KATNBL1: variants seen among roughly 807,000 people sequenced by gnomAD.
KATNBL1 encodes the protein KATNB1-like protein 1.
In KATNBL1, 28 loss-of-function variants were observed where a neutral mutation model predicts 44.7. That is an observed-to-expected ratio of 0.63 (90% CI 0.46 to 0.86). The LOEUF is 0.86. KATNBL1 is among the 40% of genes least tolerant of loss of function. The pLI is 0.00. For synonymous variants in KATNBL1, 78 were observed against 114.9 expected, an observed-to-expected ratio of 0.68 and a Z score of 2.06; for missense variants, 272 against 350.7, an observed-to-expected ratio of 0.78 and a Z score of 1.79.
intron 1 of KATNBL1, among the ~76,000 whole-genome samples, chr15:34,167,947 A>G (rs1889033538): frequency 6.6e-6 from 1 of 152,224 alleles, no homozygotes; most frequent in South Asian, 2.1e-4. Flanking sequence ...AGCACTAAAC[A>G]TGGTTACGAA....
intron 1 of KATNBL1, among the ~76,000 whole-genome samples, chr15:34,174,193 G>A (rs1179317391): frequency 6.6e-6 from 1 of 152,150 alleles, no homozygotes; most frequent in Non-Finnish European, 1.5e-5. Context: ...GGAGGTTAAA[G>A]GGACATAAAA....
intron 1 of KATNBL1, chr15:34,199,898 T>C (rs942909118): frequency 1.7e-4 from 26 of 152,198 alleles, no homozygotes; most frequent in African/African-American, 6.0e-4. Context: ...CGGTTGCCAC[T>C]AGGGCTAGGT....
chr15:34,205,818 C>G (rs543566645), intron 1 of KATNBL1, among the ~76,000 whole-genome samples: 1 of 152,238 alleles, frequency 6.6e-6, no homozygotes, highest in Admixed American at 6.5e-5. Context: ...ATCAGTGGAC[C>G]AAACAAAAAT....
intron 9 of KATNBL1, among the ~76,000 whole-genome samples, chr15:34,143,604 CA>C (rs981048579): frequency 7.3e-5 from 11 of 151,330 alleles, no homozygotes; most frequent in Admixed American, 6.6e-4. Flanking sequence ...AAACCTAAAA[CA>C]ACAACAAAAA....
chr15:34,208,182 T>C (rs1320007787), intron 1 of KATNBL1, among the ~76,000 whole-genome samples: 3 of 152,204 alleles, frequency 2.0e-5, no homozygotes, highest in African/African-American at 2.4e-5. Context: ...TCCGAGATTC[T>C]GGTGCACCCA....
chr15:34,195,029 C>T (rs1889992975), intron 1 of KATNBL1, among the ~76,000 whole-genome samples: 1 of 152,152 alleles, frequency 6.6e-6, no homozygotes, highest in African/African-American at 2.4e-5. Flanking sequence ...CTATGGAAAA[C>T]AGCACAGAGA....
intron 1 of KATNBL1, among the ~76,000 whole-genome samples, chr15:34,193,216 C>CCAAA (rs1889929981): frequency 1.5e-5 from 1 of 66,364 alleles, no homozygotes; most frequent in Non-Finnish European, 2.4e-5. Flanking sequence ...GACTCCGTCT[C>CCAAA]AAAAAAAAAA....
chr15:34,208,512 A>G (rs1011977922), intron 1 of KATNBL1: 4 of 152,272 alleles, frequency 2.6e-5, no homozygotes, highest in African/African-American at 7.2e-5. Context: ...TAACCACTCA[A>G]TAAGTTTTAG....
At chr15:34,161,458 G>A (rs897421674) in intron 2 of KATNBL1, among the ~76,000 whole-genome samples, 2 of 152,194 alleles carry the variant, frequency 1.3e-5, no homozygotes, top group African/African-American at 4.8e-5. Context: ...AGAAACAAAT[G>A]CTCAATGCCG....
At chr15:34,191,791 C>CA (rs751707659) in intron 1 of KATNBL1, among the ~76,000 whole-genome samples, 1 of 151,360 alleles carries the variant, frequency 6.6e-6, no homozygotes, top group Admixed American at 6.6e-5. Flanking sequence ...ATTAAAAACA[C>CA]AAAAAATTAG....
chr15:34,195,418 G>A (rs967936945), intron 1 of KATNBL1, among the ~76,000 whole-genome samples: 2 of 152,094 alleles, frequency 1.3e-5, no homozygotes, highest in African/African-American at 2.4e-5. Context: ...AATAGAGAAT[G>A]GAGACTCAGA....
chr15:34,157,284 C>T (rs6495558), intron 2 of KATNBL1, among the ~76,000 whole-genome samples: 30,769 of 152,086 alleles, frequency 0.2, 3,850 homozygotes, highest in African/African-American at 0.35. Flanking sequence ...GAATAGCTGC[C>T]CATGATTCTG....
At chr15:34,164,762 C>T (rs376539433) in intron 1 of KATNBL1, among the ~76,000 whole-genome samples, 4 of 152,280 alleles carry the variant, frequency 2.6e-5, no homozygotes, top group South Asian at 4.1e-4. Flanking sequence ...CAGGCCCTGG[C>T]GTTAATGTAG....
rs75694739 is a variant in KATNBL1, at chr15:34,182,190, G to C, written c.-14-18500C>G. ...CCTCCCAATTAATATGAGAGATTAA[G>C]GGCTGAATGTATAAACAGATGATAC... is the stretch of plus-strand genomic sequence containing the variant. On this transcript the variant is annotated intron_variant, in intron 1 of 9. Transcript: ENST00000256544. Among the ~76,000 whole-genome samples, 429 of 151,986 alleles carry C rather than the reference G, an allele frequency of 2.8e-3. 18 individuals carry two copies. The East Asian group carries it at 0.073, about 26-fold the overall frequency.
intron 1 of KATNBL1, among the ~76,000 whole-genome samples, chr15:34,170,152 C>T (rs1008551521): frequency 1.2e-4 from 18 of 152,088 alleles, no homozygotes; most frequent in Admixed American, 8.5e-4. Flanking sequence ...TCAAATTGTC[C>T]CTGTTTGCAG....
At chr15:34,185,967 G>A (rs1889703427) in intron 1 of KATNBL1, among the ~76,000 whole-genome samples, 1 of 152,138 alleles carries the variant, frequency 6.6e-6, no homozygotes. Flanking sequence ...TCCTGAGAAA[G>A]GAATTCATAT....
At chr15:34,175,600 C>T (rs1437101099) in intron 1 of KATNBL1, among the ~76,000 whole-genome samples, 1 of 152,138 alleles carries the variant, frequency 6.6e-6, no homozygotes, top group Admixed American at 6.5e-5. Context: ...CAAGTCGAAA[C>T]TACTTGCAAA....
At chr15:34,179,942 TG>T (rs1395126028) in intron 1 of KATNBL1, among the ~76,000 whole-genome samples, 1 of 152,174 alleles carries the variant, frequency 6.6e-6, no homozygotes, top group Non-Finnish European at 1.5e-5. Context: ...GCAAAAAAGG[TG>T]GAAATGCCAA....
rs1473133254 is a variant in KATNBL1 at position 34,146,733 on chromosome 15, A to G, written c.788+28T>C. On this transcript the variant is annotated intron_variant, in intron 8 of 9. Transcript: ENST00000256544. ...CTGCTTTCCTGAAGAAAATTTCAGC[A>G]TGAGTTTATCTTTAAAGGTATACTC... 5 of 1,299,158 alleles carry G rather than the reference A, an allele frequency of 3.8e-6. No individual in the cohort carries two copies. In the African/African-American group the frequency reaches 5.8e-5, roughly 15 times the overall value. 80.5% of individuals were successfully genotyped at this position (1,299,158 alleles called of 1,614,324 possible).
Sources: allele counts gnomAD v4.1 joint callset (sites outside exome capture counted in the v4.1 genomes callset), GRCh38; gene constraint gnomAD v4.1.1; transcripts MANE v1.5; gene names NCBI Gene and HGNC (gene_info 2026-07-23, HGNC 2026-07-21).